Variants in SORCS2 observed in about 807,000 individuals in gnomAD.
SORCS2 encodes the protein sortilin related VPS10 domain containing receptor 2.
SORCS2 carries 100 observed loss-of-function variants against 141.6 expected under a neutral mutation model. That is an observed-to-expected ratio of 0.71 (90% confidence interval 0.60 to 0.83). SORCS2 has a LOEUF of 0.83. Ranked by LOEUF, SORCS2 falls within the 40% of genes least tolerant of loss-of-function variation. The probability of loss-of-function intolerance (pLI) is 0.00; values close to 1 mark genes in which losing one functional copy is unlikely to be tolerated. For missense variants in SORCS2, 1,646 were observed against 1,560.2 expected (o/e 1.05, Z -0.93); for synonymous variants, 789 against 676.9 (o/e 1.17, Z -2.57).
chr4:7,713,850 G>A (rs567758938), intron 15 of SORCS2, among the ~76,000 whole-genome samples: 4 of 152,200 alleles, frequency 2.6e-5, no homozygotes, highest in South Asian at 2.1e-4. Context: ...GCAGGGAGAT[G>A]GGGGTAGGCC....
At chr4:7,350,161 C>T (rs944543666) in intron 1 of SORCS2, among the ~76,000 whole-genome samples, 13 of 152,186 alleles carry the variant, frequency 8.5e-5, no homozygotes, top group Admixed American at 6.5e-4. Flanking sequence ...GCACAACCCA[C>T]CCCATGGCTG....
In SORCS2 at chr4:7,516,915, G is replaced by A. The variant is rs572093323; in HGVS notation, c.549-14615G>A. 5.9e-5 allele frequency among the ~76,000 whole-genome samples: 9 copies of A among 152,312 alleles called. No homozygotes were observed. In the South Asian group the frequency reaches 1.5e-3, roughly 25 times the overall value. ...GTTGTGAGGGCCCCATTCACAGCTT[G>A]GGAGCCAGGCTGCAGTGTTCAAGCT... On this transcript the variant is annotated intron_variant, in intron 2 of 26. Coordinates refer to ENST00000507866, the MANE Select transcript of SORCS2 (RefSeq NM_020777.3).
intron 1 of SORCS2, among the ~76,000 whole-genome samples, chr4:7,263,265 C>T (rs1050115663): frequency 1.3e-5 from 2 of 152,142 alleles, no homozygotes; most frequent in African/African-American, 4.8e-5. Context: ...GTAGAGAGGT[C>T]ACCTGGTGTA....
At chr4:7,482,224 G>A (rs28590384) in intron 2 of SORCS2, among the ~76,000 whole-genome samples, 4 of 30,766 alleles carry the variant, frequency 1.3e-4, no homozygotes, top group African/African-American at 4.0e-4. Context: ...CTGTATCCCC[G>A]CTGCGGACAC....
chr4:7,704,321 G>C (rs1725277876), intron 14 of SORCS2, 37 bp downstream of exon 14: 1 of 1,555,330 alleles, frequency 6.4e-7, no homozygotes, highest in African/African-American at 1.4e-5. Flanking sequence ...ACTGGTGGCA[G>C]GGCAGAGCCA....
chr4:7,384,466 C>T (rs1288586701), intron 1 of SORCS2, among the ~76,000 whole-genome samples: 1 of 152,174 alleles, frequency 6.6e-6, no homozygotes, highest in African/African-American at 2.4e-5. Context: ...CCTCGGGGGA[C>T]TGGGGCTGGC....
chr4:7,401,544 G>A (rs1361553695), intron 2 of SORCS2, among the ~76,000 whole-genome samples: 1 of 152,204 alleles, frequency 6.6e-6, no homozygotes, highest in Non-Finnish European at 1.5e-5. Flanking sequence ...TTCTGAGCTG[G>A]AGAGAAAGCT....
In SORCS2 at chr4:7,457,306, CAGCCAGG is replaced by C. The variant is rs1728977055; in HGVS notation, c.548+60952_548+60958del. Reference sequence around the variant, plus strand: ...GTGACTTTATCCCTGAAAGGACATGCAGCCAGGCCTGGAGGCAGAGGCCAGGACTGCA... The same window carrying C: ...GTGACTTTATCCCTGAAAGGACATGCCCTGGAGGCAGAGGCCAGGACTGCA... On this transcript the variant is annotated intron_variant, in intron 2 of 26. Coordinates refer to ENST00000507866, the MANE Select transcript of SORCS2 (RefSeq NM_020777.3). Among the ~76,000 whole-genome samples the C allele has an allele frequency of 6.6e-5, 10 of 152,360 alleles. No individual in the cohort carries two copies. The South Asian group carries it at 2.1e-3, about 32-fold the overall frequency.
At chr4:7,589,784 A>G (rs948375634) in intron 3 of SORCS2, among the ~76,000 whole-genome samples, 29 of 152,218 alleles carry the variant, frequency 1.9e-4, no homozygotes, top group Admixed American at 7.8e-4. Flanking sequence ...CCCATTCTAC[A>G]GAGAGGAACC....
At chr4:7,247,691 C>A (rs1713197227) in intron 1 of SORCS2, among the ~76,000 whole-genome samples, 1 of 152,212 alleles carries the variant, frequency 6.6e-6, no homozygotes, top group African/African-American at 2.4e-5. Flanking sequence ...TGGAGGTGGG[C>A]AGCGGGGCGC....
intron 3 of SORCS2, among the ~76,000 whole-genome samples, chr4:7,589,259 AGGG>A (rs1716750012): frequency 6.6e-6 from 1 of 152,168 alleles, no homozygotes; most frequent in Non-Finnish European, 1.5e-5. Context: ...GAATGGAAGG[AGGG>A]GTCAGGTTTG....
chr4:7,617,142 G>A (rs186009714), intron 3 of SORCS2, among the ~76,000 whole-genome samples: 13 of 152,158 alleles, frequency 8.5e-5, no homozygotes, highest in East Asian at 3.9e-4. Context: ...TATTCTATCC[G>A]TCCACCCGCC....
At chr4:7,674,573 C>CA (rs1265948158) in intron 8 of SORCS2, among the ~76,000 whole-genome samples, 1 of 56,426 alleles carries the variant, frequency 1.8e-5, no homozygotes, top group African/African-American at 8.7e-5. Context: ...GACTCTGTCT[C>CA]AAAATAAAAA....
chr4:7,551,943 T>G (rs923681802), intron 3 of SORCS2, among the ~76,000 whole-genome samples: 1 of 152,218 alleles, frequency 6.6e-6, no homozygotes, highest in African/African-American at 2.4e-5. Context: ...TGTGTCGTAA[T>G]CGGCAGCGTT....
At chr4:7,316,695 A>G (rs6827884) in intron 1 of SORCS2, among the ~76,000 whole-genome samples, 90,943 of 152,114 alleles carry the variant, frequency 0.6, 27,278 homozygotes, top group South Asian at 0.73. Context: ...GAGTGCTGAA[A>G]TGTTCTGTTC....
At chr4:7,435,139 A>T (rs1429022997) in intron 2 of SORCS2, among the ~76,000 whole-genome samples, 1 of 152,284 alleles carries the variant, frequency 6.6e-6, no homozygotes, top group Non-Finnish European at 1.5e-5. Context: ...TGATACGTGA[A>T]TGAAGCTCGG....
At chr4:7,739,594 C>G (rs1446245791) in intron 26 of SORCS2, among the ~76,000 whole-genome samples, 1 of 152,126 alleles carries the variant, frequency 6.6e-6, no homozygotes, top group Non-Finnish European at 1.5e-5. Context: ...AAGCCAAGGC[C>G]CAGCCAGGTG....
At chr4:7,382,389 G>T (rs1723043225) in intron 1 of SORCS2, among the ~76,000 whole-genome samples, 1 of 152,118 alleles carries the variant, frequency 6.6e-6, no homozygotes, top group Non-Finnish European at 1.5e-5. Context: ...ATCTCCGGCT[G>T]CCCCAGGGTT....
intron 1 of SORCS2, among the ~76,000 whole-genome samples, chr4:7,257,179 G>A (rs1713946475): frequency 1.3e-5 from 2 of 152,162 alleles, no homozygotes; most frequent in South Asian, 4.1e-4. Context: ...CCAGAGGACA[G>A]AAGTGATATT....
Sources: allele counts gnomAD v4.1 joint callset (sites outside exome capture counted in the v4.1 genomes callset), GRCh38; gene constraint gnomAD v4.1.1; transcripts MANE v1.5; gene names NCBI Gene and HGNC (gene_info 2026-07-23, HGNC 2026-07-21).